GALNT13: variants seen among roughly 807,000 people sequenced by gnomAD.
The protein encoded by GALNT13 is UDP-GalNAc:polypeptide N-acetylgalactosaminyltransferase 13.
Under a neutral mutation model 64.2 loss-of-function variants are expected in GALNT13, and 28 were observed. That is an observed-to-expected ratio of 0.44 (90% CI 0.32 to 0.60). The LOEUF (loss-of-function observed/expected upper bound fraction) is 0.60. Among genes scored for constraint, GALNT13 ranks in the 20% least tolerant of loss-of-function variants. The pLI is 0.05. For synonymous variants in GALNT13, 214 were observed against 224.6 expected (o/e 0.95, Z 0.42); for missense variants, 577 against 669.8 (o/e 0.86, Z 1.53).
the GALNT13 span, among the ~76,000 whole-genome samples, chr2:153,688,991 GGTGTGTGTGTGTGTGTGTGTGTGTGTGT>G: frequency 7.7e-6 from 1 of 130,156 alleles, no homozygotes; most frequent in Non-Finnish European, 1.6e-5. Flanking sequence ...TAGAGGTAGG[GGTGTGTGTGTGTGTGTGTGTGTGTGTGT>G]GTGTGTGTGT....
At chr2:153,786,372 T>C in the GALNT13 span, among the ~76,000 whole-genome samples, 5 of 152,222 alleles carry the variant, frequency 3.3e-5, no homozygotes, top group East Asian at 1.9e-4. Context: ...TCTTCGCCAG[T>C]TGGGACTCCT....
At chr2:154,410,310 G>T (rs984110492) in intron 11 of GALNT13, among the ~76,000 whole-genome samples, 5 of 151,920 alleles carry the variant, frequency 3.3e-5, no homozygotes, top group African/African-American at 4.8e-5. Flanking sequence ...ATGTGTGAGG[G>T]TTTAATTTTC....
chr2:153,105,088 A>C, the GALNT13 span, among the ~76,000 whole-genome samples: 1 of 132,574 alleles, frequency 7.5e-6, no homozygotes, highest in African/African-American at 3.0e-5. Context: ...TCCTGTGTCC[A>C]TGTGTTCTCA....
intron 12 of GALNT13, 29 bp downstream of exon 12, chr2:154,438,755 T>G: frequency 6.5e-7 from 1 of 1,539,084 alleles, no homozygotes; most frequent in Non-Finnish European, 8.9e-7. Flanking sequence ...TTACTTATTA[T>G]TTGATGCTTA....
intron 3 of GALNT13, among the ~76,000 whole-genome samples, chr2:154,054,129 C>T (rs1012483178): frequency 6.6e-6 from 1 of 152,030 alleles, no homozygotes; most frequent in Non-Finnish European, 1.5e-5. Flanking sequence ...CTTGCAAACA[C>T]ATTTACTCTT....
chr2:154,416,716 T>C (rs12612408), intron 11 of GALNT13, among the ~76,000 whole-genome samples: 82,513 of 151,946 alleles, frequency 0.54, 23,262 homozygotes, highest in Non-Finnish European at 0.62. Flanking sequence ...AGTTTTCTTT[T>C]AAGTAAATCC....
chr2:153,740,571 A>C, the GALNT13 span, among the ~76,000 whole-genome samples: 1 of 151,900 alleles, frequency 6.6e-6, no homozygotes, highest in Non-Finnish European at 1.5e-5. Flanking sequence ...AGTCTTATTA[A>C]ATTTTTCTGT....
At chr2:153,383,267 C>T in the GALNT13 span, among the ~76,000 whole-genome samples, 2 of 151,988 alleles carry the variant, frequency 1.3e-5, no homozygotes, top group African/African-American at 4.8e-5. Flanking sequence ...CTTAGTAACC[C>T]AGTAACCATT....
chr2:153,907,453 G>A (rs553283831), intron 2 of GALNT13, among the ~76,000 whole-genome samples: 1 of 151,786 alleles, frequency 6.6e-6, no homozygotes, highest in Admixed American at 6.6e-5. Flanking sequence ...TTGTTATGTA[G>A]GTAAACTTGT....
At chr2:154,238,296 T>C (rs1689302789) in intron 4 of GALNT13, among the ~76,000 whole-genome samples, 1 of 152,010 alleles carries the variant, frequency 6.6e-6, no homozygotes, top group South Asian at 2.1e-4. Flanking sequence ...TGGAAGAAAC[T>C]TCAAATCTAC....
At chr2:153,611,185 T>A in the GALNT13 span, among the ~76,000 whole-genome samples, 7 of 152,182 alleles carry the variant, frequency 4.6e-5, no homozygotes, top group Non-Finnish European at 8.8e-5. Context: ...GTTTGAAATT[T>A]CAAAAAGTTA....
At chr2:154,003,659 G>T (rs1358755200) in intron 3 of GALNT13, among the ~76,000 whole-genome samples, 1 of 152,074 alleles carries the variant, frequency 6.6e-6, no homozygotes, top group Non-Finnish European at 1.5e-5. Flanking sequence ...TCATGTTCTT[G>T]TAATCCCCAA....
intron 4 of GALNT13, among the ~76,000 whole-genome samples, chr2:154,173,849 G>T (rs2105708564): frequency 6.6e-6 from 1 of 152,204 alleles, no homozygotes; most frequent in African/African-American, 2.4e-5. Flanking sequence ...TCTCACTCCA[G>T]TTAAAATTAC....
At chr2:153,832,908 G>T in the GALNT13 span, among the ~76,000 whole-genome samples, 1 of 152,142 alleles carries the variant, frequency 6.6e-6, no homozygotes, top group Non-Finnish European at 1.5e-5. Flanking sequence ...TCCCAACAAG[G>T]CTTTATACAG....
chr2:153,604,789 G>A, the GALNT13 span, among the ~76,000 whole-genome samples: 16 of 152,132 alleles, frequency 1.1e-4, no homozygotes, highest in Admixed American at 3.3e-4. Flanking sequence ...TTAACCAATA[G>A]TTTTTCTATT....
intron 8 of GALNT13, among the ~76,000 whole-genome samples, chr2:154,281,715 T>G (rs1240287877): frequency 6.6e-6 from 1 of 152,118 alleles, no homozygotes; most frequent in East Asian, 1.9e-4. Flanking sequence ...CACCGGTTCA[T>G]GCACATTTTG....
At chr2:153,489,909 A>C in the GALNT13 span, among the ~76,000 whole-genome samples, 1 of 152,068 alleles carries the variant, frequency 6.6e-6, no homozygotes, top group Non-Finnish European at 1.5e-5. Context: ...ATTAGAGCCC[A>C]GGAGTTTGAA....
At chr2:154,369,099 C>CT (rs1304656195) in intron 9 of GALNT13, among the ~76,000 whole-genome samples, 2 of 150,374 alleles carry the variant, frequency 1.3e-5, no homozygotes, top group Non-Finnish European at 3.0e-5. Flanking sequence ...AAGTACAATT[C>CT]TGGAAAAAAA....
chr2:153,926,833 A>G (rs775741805), intron 2 of GALNT13, among the ~76,000 whole-genome samples: 1 of 152,160 alleles, frequency 6.6e-6, no homozygotes, highest in Non-Finnish European at 1.5e-5. Flanking sequence ...TTACTTTAAA[A>G]TAAAACATAT....
Sources: gnomAD v4.1 joint callset for allele counts (sites outside exome capture counted in the v4.1 genomes callset) on GRCh38, gnomAD v4.1.1 for gene constraint, MANE v1.5 for transcripts, NCBI Gene and HGNC (gene_info 2026-07-23, HGNC 2026-07-21) for gene names.